Variants in RAB3GAP2 observed in about 807,000 individuals in gnomAD.
RAB3GAP2 encodes rab3 GTPase-activating protein non-catalytic subunit.
In RAB3GAP2, 87 loss-of-function variants were observed where a neutral mutation model predicts 185.3. The observed-to-expected ratio is 0.47, with a 90% CI of 0.39 to 0.56. RAB3GAP2 has a LOEUF of 0.56. Among genes scored for constraint, RAB3GAP2 ranks in the 20% least tolerant of loss-of-function variants. RAB3GAP2 has a pLI of 0.00. For synonymous variants in RAB3GAP2, 554 were observed against 576.1 expected (o/e 0.96, Z 0.55); for missense variants, 1,492 against 1,638.2 (o/e 0.91, Z 1.54).
chr1:220,153,303 T>G lies in RAB3GAP2; in HGVS notation c.3749A>C (p.Gln1250Pro), dbSNP rs775118847. Residue 1250 changes from glutamine to proline, a missense_variant, in exon 33 of 35, where the codon CAA becomes CCA. Physicochemically the swap from Gln to Pro is moderately conservative, Grantham distance 76. Transcript: ENST00000358951. ...ATCCACAGCTAGAGCTGGCCAATCT[T>G]GGTCTTTCCCAAAAGGAGTGGGTGT... The part of the protein sequence containing the change: ...EATPTPFGKD[Q>P]DWPALAVDLA... 1 of 1,614,204 alleles carries G rather than the reference T, an allele frequency of 6.2e-7. No homozygotes were observed. The highest frequency in any genetic ancestry group is 8.5e-7 in the Non-Finnish European group (1 of 1,180,008).
At chr1:220,175,196 T>C (rs1045480839) in intron 21 of RAB3GAP2, among the ~76,000 whole-genome samples, 3 of 152,134 alleles carry the variant, frequency 2.0e-5, no homozygotes, top group African/African-American at 7.2e-5. Context: ...GACCTGGGCC[T>C]GTTATTAAAG....
chr1:220,153,529 C>A, intron 32 of RAB3GAP2, 123 bp from the exon 33 acceptor site: 1 of 864,858 alleles, frequency 1.2e-6, no homozygotes. Flanking sequence ...GTTTAGTTAT[C>A]AAAAAAGGAA....
intron 1 of RAB3GAP2, among the ~76,000 whole-genome samples, chr1:220,260,610 G>A (rs990203391): frequency 6.6e-6 from 1 of 152,028 alleles, no homozygotes; most frequent in African/African-American, 2.4e-5. Context: ...GTGGGGGGAG[G>A]GAGAACATCA....
intron 1 of RAB3GAP2, among the ~76,000 whole-genome samples, chr1:220,237,728 A>C (rs17007209): frequency 0.034 from 5,216 of 152,198 alleles, 251 homozygotes; most frequent in African/African-American, 0.11. Context: ...TTTAATCCTA[A>C]ATATTGTTTT....
intron 21 of RAB3GAP2, among the ~76,000 whole-genome samples, chr1:220,174,025 A>G (rs1475062819): frequency 6.6e-6 from 1 of 151,044 alleles, no homozygotes; most frequent in African/African-American, 2.4e-5. Flanking sequence ...GTCTCAAAAA[A>G]AAAAAAAAAA....
At chr1:220,154,150 G>T in intron 31 of RAB3GAP2, 93 bp from the exon 32 acceptor site, 1 of 1,525,630 alleles carries the variant, frequency 6.6e-7, no homozygotes, top group Non-Finnish European at 8.9e-7. Context: ...ATAACTTATG[G>T]TTGATTTTTA....
Position 220,196,269 on chromosome 1 carries a change from C to G in RAB3GAP2, c.941G>C (p.Gly314Ala), listed in dbSNP as rs749570213. ...TCATACCTCTAAAGCATAGAAGAAG[C>G]CAGTAAATGGATTGGACCCTACAGT... ...YITVGSNPFT[G>A]FFYALEGSTQ... Residue 314 changes from glycine to alanine, a missense_variant, in exon 10 of 35, where the codon GGC becomes GCC. Physicochemically the swap from Gly to Ala is moderately conservative, Grantham distance 60. Around this residue, in one of 5 missense-constraint regions of RAB3GAP2, gnomAD observed 243 missense variants for 314.8 expected, o/e 0.77. Coordinates refer to ENST00000358951, the MANE Select transcript of RAB3GAP2 (RefSeq NM_012414.4). The G allele has an allele frequency of 3.1e-6, 5 of 1,613,310 alleles. No homozygotes were observed. Among genetic ancestry groups the G allele is most frequent in the Admixed American group, 1.7e-5 (1 of 59,984 alleles).
At position 220,172,691 on chromosome 1, in the gene RAB3GAP2, G is replaced by T; in HGVS notation, c.2362C>A (p.Pro788Thr). ...GTATGAAGACAGCAGATTGACTGTG[G>T]TTTATCCAAAATATCCTTTTCCTTT... Reference protein sequence around the residue: ...LSKEKDILDKPQSICCLHTML... With the variant: ...LSKEKDILDKTQSICCLHTML... The change falls in exon 22 of 35, where the codon CCA becomes ACA. Residue 788 changes from proline (P) to threonine (T), a missense_variant. Physicochemically the swap from Pro to Thr is conservative, Grantham distance 38. Coordinates refer to ENST00000358951, the MANE Select transcript of RAB3GAP2 (RefSeq NM_012414.4). 1 of 1,613,286 alleles carries T rather than the reference G, an allele frequency of 6.2e-7. No homozygotes were observed. The highest frequency in any genetic ancestry group is 1.3e-5 in the African/African-American group (1 of 75,020).
intron 1 of RAB3GAP2, among the ~76,000 whole-genome samples, chr1:220,257,913 C>G (rs746494755): frequency 6.6e-6 from 1 of 152,068 alleles, no homozygotes; most frequent in Non-Finnish European, 1.5e-5. Flanking sequence ...ACTGACCCCA[C>G]AGAAATACAA....
At chr1:220,210,241 T>C (rs944874044) in intron 7 of RAB3GAP2, 147 bp downstream of exon 7, 2 of 740,714 alleles carry the variant, frequency 2.7e-6, no homozygotes, top group African/African-American at 1.7e-5. Context: ...CAGCTACAAA[T>C]AGATTATATT....
chr1:220,221,685 G>A (rs1344194469), intron 2 of RAB3GAP2, among the ~76,000 whole-genome samples: 2 of 152,156 alleles, frequency 1.3e-5, no homozygotes, highest in African/African-American at 4.8e-5. Flanking sequence ...TGTGCATTAT[G>A]GAAAGGAATT....
chr1:220,163,686 T>C (rs1326823968), intron 27 of RAB3GAP2, among the ~76,000 whole-genome samples: 4 of 147,634 alleles, frequency 2.7e-5, no homozygotes, highest in Non-Finnish European at 6.0e-5. Context: ...TCAATAAAGA[T>C]AGAATAATCT....
Position 220,266,877 on chromosome 1 carries a change from T to A in RAB3GAP2, c.115+5346A>T. 5 of 1,596,870 alleles carry A rather than the reference T, an allele frequency of 3.1e-6. No homozygotes were observed. In the South Asian group the frequency reaches 5.5e-5, roughly 18 times the overall value. ...CCCTCTGTTACAAAGTCAGGGAATG[T>A]GAATTCTCAACCCGTGATATTCTTT... is the stretch of plus-strand genomic sequence containing the variant. On this transcript the variant is annotated intron_variant, in intron 1 of 34. Transcript: ENST00000358951.
At chr1:220,226,446 C>A (rs1273715406) in intron 2 of RAB3GAP2, among the ~76,000 whole-genome samples, 13 of 149,424 alleles carry the variant, frequency 8.7e-5, no homozygotes, top group South Asian at 8.5e-4. Flanking sequence ...AAAAAAAAAA[C>A]CAGCAAAGCT....
intron 1 of RAB3GAP2, among the ~76,000 whole-genome samples, chr1:220,260,431 T>TTACG (rs1660111886): frequency 6.6e-6 from 1 of 152,126 alleles, no homozygotes; most frequent in South Asian, 2.1e-4. Flanking sequence ...AGAAACAAGA[T>TTACG]TACGTCCTTT....
At chr1:220,195,485 G>C in intron 10 of RAB3GAP2, 108 bp from the exon 11 acceptor site, 1 of 1,010,822 alleles carries the variant, frequency 9.9e-7, no homozygotes. Flanking sequence ...GTAAAGGCTG[G>C]ACTAGCAACT....
At chr1:220,253,299 GGGCT>G (rs1659972490) in intron 1 of RAB3GAP2, among the ~76,000 whole-genome samples, 1 of 152,172 alleles carries the variant, frequency 6.6e-6, no homozygotes, top group Admixed American at 6.5e-5. Context: ...CCAGAGGAAG[GGGCT>G]GGCTGCCATC....
intron 13 of RAB3GAP2, among the ~76,000 whole-genome samples, chr1:220,192,222 T>C (rs1403645208): frequency 1.3e-5 from 2 of 152,236 alleles, no homozygotes; most frequent in African/African-American, 4.8e-5. Context: ...ATGATGTATC[T>C]GCAGTATTAA....
At chr1:220,250,278 T>C (rs1659907919) in intron 1 of RAB3GAP2, among the ~76,000 whole-genome samples, 1 of 152,156 alleles carries the variant, frequency 6.6e-6, no homozygotes, top group Admixed American at 6.5e-5. Context: ...AAAGAGATCA[T>C]TTTGGAACTT....
Sources: allele counts gnomAD v4.1 joint callset (sites outside exome capture counted in the v4.1 genomes callset), GRCh38; gene constraint gnomAD v4.1.1; regional missense constraint gnomAD v4.1.1; transcripts MANE v1.5; gene names NCBI Gene and HGNC (gene_info 2026-07-23, HGNC 2026-07-21).